MYO15A: variants seen among roughly 807,000 people sequenced by gnomAD.
The protein encoded by MYO15A is myosin XVA.
In MYO15A, 308 loss-of-function variants were observed where a neutral mutation model predicts 394.6. The ratio of observed to expected loss-of-function variants is 0.78; its 90% CI spans 0.71 to 0.86. MYO15A has a LOEUF of 0.86. MYO15A is among the 40% of genes least tolerant of loss of function. The probability of loss-of-function intolerance (pLI) is 0.00; values close to 1 mark genes in which losing one functional copy is unlikely to be tolerated. For synonymous variants in MYO15A, 1,957 were observed against 2,003.8 expected (o/e 0.98, Z 0.62); for missense variants, 4,606 against 4,799.1 (o/e 0.96, Z 1.19).
intron 44 of MYO15A, 66 bp from the exon 45 acceptor site, chr17:18,154,614 T>G (rs987836271): frequency 2.8e-5 from 43 of 1,534,632 alleles, no homozygotes; most frequent in Non-Finnish European, 3.2e-5. Flanking sequence ...CACCCTAGTA[T>G]AGTCCAGCCT....
chr17:18,164,071 C>A, intron 60 of MYO15A: 1 of 574,770 alleles, frequency 1.7e-6, no homozygotes, highest in Non-Finnish European at 3.2e-6. Context: ...CTCTCTCATC[C>A]CTCCCTTTGT....
chr17:18,148,777 T>C lies in MYO15A; in HGVS notation c.6781T>C (p.Trp2261Arg). ...CATCACCAGGGGGCTGGCAGATGGCTGGCGCGGCTGGACCGTGGCCATGAA... is the reference window on the plus strand; with the variant it reads ...CATCACCAGGGGGCTGGCAGATGGCCGGCGCGGCTGGACCGTGGCCATGAA... ...ILRHRGLADG[W>R]RGWTVAMKNG... Residue 2261 changes from tryptophan (W) to arginine (R), a missense_variant, in exon 33 of 66, where the codon TGG becomes CGG. Trp to Arg is a moderately radical substitution (Grantham distance 101). Coordinates refer to ENST00000647165, the MANE Select transcript of MYO15A (RefSeq NM_016239.4). This position sits in a 1 kb window ranked among gnomAD's most constrained non-coding sequence, Gnocchi z 4.8. 3.7e-6 allele frequency: 6 copies of C among 1,600,200 alleles called. No individual in the cohort carries two copies. Among genetic ancestry groups the C allele is most frequent in the South Asian group, 2.3e-5 (2 of 88,758 alleles).
chr17:18,119,043 G>A lies in MYO15A; in HGVS notation c.243G>A (p.Lys81=), dbSNP rs778258793. ...AGAGGAAGGCCCGCACCGTGCTCAA[G>A]TCCACGTCAAAGCTCATGACGCAGA... The part of the protein sequence containing the change: ...KRKRKARTVL[K]STSKLMTQMR... Residue 81 remains lysine (K), a synonymous_variant, in exon 2 of 66, where the codon AAG becomes AAA. Coordinates refer to ENST00000647165, the MANE Select transcript of MYO15A (RefSeq NM_016239.4). 1.1e-5 allele frequency: 18 copies of A among 1,612,508 alleles called. No homozygotes were observed. Among genetic ancestry groups the A allele is most frequent in the Middle Eastern group, 1.6e-4 (1 of 6,084 alleles).
rs572197779 is a variant in MYO15A, at chr17:18,126,984, G to A, written c.3942-91G>A. 63 of 1,596,932 alleles carry A rather than the reference G, an allele frequency of 3.9e-5. No homozygotes were observed. The African/African-American group carries it at 5.9e-4, about 15-fold the overall frequency. On this transcript the variant is annotated intron_variant, in intron 6 of 65. Transcript: ENST00000647165. ...CCTGGTACCTCTGGGTTGGCCCACC[G>A]TACATATCCTCTTGCTTCATGATGG...
chr17:18,137,540 T>C, intron 15 of MYO15A, 44 bp from the exon 16 acceptor site: 1 of 1,586,150 alleles, frequency 6.3e-7, no homozygotes, highest in Non-Finnish European at 8.6e-7. Flanking sequence ...AACAGGCTGG[T>C]GGCCAAGGAA....
At chr17:18,144,273 G>A (rs1567647430) in intron 28 of MYO15A, among the ~76,000 whole-genome samples, 1 of 152,236 alleles carries the variant, frequency 6.6e-6, no homozygotes, top group Non-Finnish European at 1.5e-5. Flanking sequence ...TGTCAGCCCA[G>A]CTCTGATTTC....
At chr17:18,156,752 G>C (rs984844065) in intron 48 of MYO15A, among the ~76,000 whole-genome samples, 1 of 152,234 alleles carries the variant, frequency 6.6e-6, no homozygotes, top group Admixed American at 6.5e-5. Context: ...GAAGGCCTAT[G>C]TGTGTGCCCT....
chr17:18,115,805 C>A (rs182178621), intron 1 of MYO15A, among the ~76,000 whole-genome samples: 2 of 152,116 alleles, frequency 1.3e-5, no homozygotes, highest in Non-Finnish European at 2.9e-5. Context: ...CCTGTCTGCT[C>A]CTCCACCTGC....
In MYO15A at chr17:18,120,302, T is replaced by A; in HGVS notation, c.1502T>A (p.Leu501Gln). 1 of 1,612,242 alleles carries A rather than the reference T, an allele frequency of 6.2e-7. No individual in the cohort carries two copies. Among genetic ancestry groups the A allele is most frequent in the Non-Finnish European group, 8.5e-7 (1 of 1,179,962 alleles). Residue 501 changes from leucine (L) to glutamine (Q), a missense_variant, in exon 2 of 66, where the codon CTG becomes CAG. Transcript: ENST00000647165. ...CTGGAGGTGCCCCTGCCACCCTCTC[T>A]GGACATTCCTCTCCCCTTGGGGGAT... ...EKLEVPLPPS[L>Q]DIPLPLGDAD... is the part of the protein sequence containing the mutation.
intron 12 of MYO15A, among the ~76,000 whole-genome samples, chr17:18,133,634 A>C (rs2046209984): frequency 6.6e-6 from 1 of 151,990 alleles, no homozygotes; most frequent in Non-Finnish European, 1.5e-5. Flanking sequence ...CTTTGTTTAC[A>C]ATGTTTTTTG....
rs756257210 is a variant in MYO15A at position 18,132,056 on chromosome 17, T to C, written c.4207-397T>C. ...GGCTTCTCTCTACGTTGTTCCCCACTATGTCCCAAGGGCCTAGGACAGGGC... is the reference window on the plus strand; with the variant it reads ...GGCTTCTCTCTACGTTGTTCCCCACCATGTCCCAAGGGCCTAGGACAGGGC... On this transcript the variant is annotated intron_variant, in intron 10 of 65. Coordinates refer to ENST00000647165, the MANE Select transcript of MYO15A (RefSeq NM_016239.4). This position sits in a 1 kb window ranked among gnomAD's most constrained non-coding sequence, Gnocchi z 4.6. Among the ~76,000 whole-genome samples, 10 of 152,162 alleles carry C rather than the reference T, an allele frequency of 6.6e-5. 1 individual carries two copies. The highest frequency in any genetic ancestry group is 2.0e-4 in the Admixed American group (3 of 15,282).
chr17:18,122,632 G>C (rs911332099), intron 2 of MYO15A: 2 of 649,056 alleles, frequency 3.1e-6, no homozygotes, highest in African/African-American at 3.7e-5. Flanking sequence ...AGAGACGTGG[G>C]AAACTGCTTC....
intron 28 of MYO15A, 116 bp downstream of exon 28, chr17:18,144,116 G>A: frequency 6.7e-7 from 1 of 1,497,400 alleles, no homozygotes; most frequent in African/African-American, 1.4e-5. Context: ...TTGGGTATGA[G>A]CCTTTTAGTT....
At chr17:18,143,509 G>A (rs1010982853) in intron 25 of MYO15A, 57 bp from the exon 26 acceptor site, 20 of 1,544,562 alleles carry the variant, frequency 1.3e-5, no homozygotes, top group Non-Finnish European at 1.6e-5. Flanking sequence ...GGCCTGCCTG[G>A]GTGCCGGTCG....
At chr17:18,111,320 A>G (rs1017914958) in intron 1 of MYO15A, among the ~76,000 whole-genome samples, 10 of 146,038 alleles carry the variant, frequency 6.8e-5, no homozygotes, top group African/African-American at 2.5e-4. Flanking sequence ...GAGTGATGGA[A>G]CCAGAGCCTG....
intron 61 of MYO15A, among the ~76,000 whole-genome samples, chr17:18,167,387 A>G (rs1471389678): frequency 1.3e-5 from 2 of 152,172 alleles, no homozygotes; most frequent in African/African-American, 4.8e-5. Flanking sequence ...GGACTCCCTC[A>G]TGGGCATCAA....
At position 18,179,423 on chromosome 17, in the gene MYO15A, G is replaced by T. The variant is rs1030499970; in HGVS notation, c.*553G>T. The T allele has an allele frequency of 2.2e-5, 4 of 182,312 alleles. No individual in the cohort carries two copies. Among genetic ancestry groups the T allele is most frequent in the Admixed American group, 1.1e-4 (2 of 18,552 alleles). The allele number at this position is 182,312 out of a possible 1,614,324, so 11.3% of individuals were successfully genotyped here. ...TCTCCATGGAGTTGCTAAGTGGCCGGAAAACAAGCCTGAGGGAGGAGGCAG... is the reference window on the plus strand; with the variant it reads ...TCTCCATGGAGTTGCTAAGTGGCCGTAAAACAAGCCTGAGGGAGGAGGCAG... On this transcript the variant is annotated 3_prime_UTR_variant, in exon 66 of 66. Coordinates refer to ENST00000647165, the MANE Select transcript of MYO15A (RefSeq NM_016239.4).
Position 18,126,338 on chromosome 17 carries a change from G to A in MYO15A, c.3757-9G>A. ...AGCCACGACGCTGAGGCCACCGTCT[G>A]CCCAGCAGACATACATTGGGAGCAT... is the stretch of plus-strand genomic sequence containing the variant. On this transcript the variant is annotated splice_polypyrimidine_tract_variant and intron_variant, in intron 4 of 65. Coordinates refer to ENST00000647165, the MANE Select transcript of MYO15A (RefSeq NM_016239.4). 2 of 1,612,554 alleles carry A rather than the reference G, an allele frequency of 1.2e-6. No individual in the cohort carries two copies. Among genetic ancestry groups the A allele is most frequent in the South Asian group, 2.2e-5 (2 of 91,034 alleles).
intron 25 of MYO15A, 104 bp downstream of exon 25, chr17:18,142,944 A>C: frequency 1.9e-6 from 2 of 1,054,080 alleles, no homozygotes; most frequent in Non-Finnish European, 2.9e-6. Context: ...TTGGGTTCAA[A>C]TTCTGCCTCT....
Sources: gnomAD v4.1 joint callset for allele counts (sites outside exome capture counted in the v4.1 genomes callset) on GRCh38, gnomAD v4.1.1 for gene constraint, Gnocchi (gnomAD v3.1) non-coding constraint, MANE v1.5 for transcripts, NCBI Gene and HGNC (gene_info 2026-07-23, HGNC 2026-07-21) for gene names.